OTUD7A: variants seen among roughly 807,000 people sequenced by gnomAD.
OTUD7A encodes OTU deubiquitinase 7A.
In OTUD7A, 12 loss-of-function variants were observed where a neutral mutation model predicts 65.7. That is an observed-to-expected ratio of 0.18 (90% CI 0.12 to 0.30). OTUD7A has a LOEUF of 0.30. OTUD7A is among the 10% of genes least tolerant of loss of function. The pLI is 1.00. For synonymous variants in OTUD7A, 641 were observed against 586.3 expected (o/e 1.09, Z -1.35); for missense variants, 1,148 against 1,304.8 (o/e 0.88, Z 1.85).
chr15:31,803,833 G>A (rs772346721), intron 1 of OTUD7A, among the ~76,000 whole-genome samples: 1 of 152,172 alleles, frequency 6.6e-6, no homozygotes, highest in South Asian at 2.1e-4. Flanking sequence ...AGCCAGTGGA[G>A]GCCCCACCCA....
intron 5 of OTUD7A, among the ~76,000 whole-genome samples, chr15:31,539,303 G>A (rs954290252): frequency 1.4e-4 from 21 of 151,982 alleles, no homozygotes; most frequent in Non-Finnish European, 2.8e-4. Context: ...CCTACAGACT[G>A]TGCAGATCAG....
intron 1 of OTUD7A, among the ~76,000 whole-genome samples, chr15:31,769,802 A>C (rs1371864190): frequency 1.3e-5 from 2 of 152,190 alleles, no homozygotes; most frequent in African/African-American, 4.8e-5. Context: ...GCCAGGGGTT[A>C]GTTAGGAGTA....
At chr15:31,526,246 A>G in intron 8 of OTUD7A, 103 bp downstream of exon 8, 1 of 1,173,878 alleles carries the variant, frequency 8.5e-7, no homozygotes, top group Non-Finnish European at 1.2e-6. Context: ...TCCACAGCAC[A>G]AGAGTCCCAC....
intron 1 of OTUD7A, among the ~76,000 whole-genome samples, chr15:31,792,901 C>G (rs1029467157): frequency 4.6e-5 from 7 of 152,134 alleles, no homozygotes; most frequent in Non-Finnish European, 7.4e-5. Flanking sequence ...GCAGGCTGCC[C>G]CCCTGCCTGG....
At chr15:31,510,944 T>C (rs1365254651) in intron 8 of OTUD7A, among the ~76,000 whole-genome samples, 1 of 28,482 alleles carries the variant, frequency 3.5e-5, no homozygotes, top group Admixed American at 3.3e-4. Flanking sequence ...TATATCTATA[T>C]GTAACATATA....
intron 1 of OTUD7A, among the ~76,000 whole-genome samples, chr15:31,829,000 C>T (rs1402915052): frequency 1.3e-5 from 2 of 152,184 alleles, no homozygotes; most frequent in Non-Finnish European, 2.9e-5. Flanking sequence ...TTTCCTTTTG[C>T]ATTTGATGCC....
At chr15:31,826,408 T>C (rs1051682943) in intron 1 of OTUD7A, among the ~76,000 whole-genome samples, 2 of 152,200 alleles carry the variant, frequency 1.3e-5, no homozygotes, top group African/African-American at 4.8e-5. Context: ...CTTTCAACCA[T>C]GGCTGGAGCA....
At chr15:31,594,744 C>T (rs941781523) in intron 3 of OTUD7A, among the ~76,000 whole-genome samples, 4 of 152,218 alleles carry the variant, frequency 2.6e-5, no homozygotes, top group African/African-American at 9.6e-5. Context: ...GCAGTGCCTG[C>T]CCCGCTCTTC....
At chr15:31,580,175 G>T (rs757381029) in intron 3 of OTUD7A, among the ~76,000 whole-genome samples, 5 of 152,180 alleles carry the variant, frequency 3.3e-5, no homozygotes, top group Non-Finnish European at 7.3e-5. Context: ...AAAGTAGAAT[G>T]GGCAAGTACA....
chr15:31,664,131 A>T (rs1203528397), intron 1 of OTUD7A, among the ~76,000 whole-genome samples: 1 of 152,228 alleles, frequency 6.6e-6, no homozygotes, highest in East Asian at 1.9e-4. Context: ...TGCTACAAAC[A>T]TGCGTGTGCA....
At chr15:31,580,101 A>G (rs1428056170) in intron 3 of OTUD7A, among the ~76,000 whole-genome samples, 13 of 152,232 alleles carry the variant, frequency 8.5e-5, no homozygotes, top group Non-Finnish European at 1.3e-4. Flanking sequence ...CTTGGCAAAG[A>G]ATCCAGCAGG....
At chr15:31,496,252 C>T (rs1471601310) in intron 10 of OTUD7A, among the ~76,000 whole-genome samples, 4 of 148,748 alleles carry the variant, frequency 2.7e-5, no homozygotes, top group Admixed American at 6.7e-5. Context: ...GATGGAGTCT[C>T]GCTCTGTCGC....
At chr15:31,794,660 G>A (rs937502550) in intron 1 of OTUD7A, among the ~76,000 whole-genome samples, 4 of 151,426 alleles carry the variant, frequency 2.6e-5, no homozygotes, top group Non-Finnish European at 4.4e-5. Context: ...CTAACTTTAT[G>A]GGACTTACAT....
Position 31,507,354 on chromosome 15 carries a change from GT to G in OTUD7A, c.894-3537del, listed in dbSNP as rs565913667. On this transcript the variant is annotated intron_variant, in intron 8 of 12. Transcript: ENST00000307050. ...TAGATGAAGGGTTTTAGATCTGTAT[GT>G]TTTTTTTGTGTGTGTGTGGAAGTTT... 4.6e-5 allele frequency among the ~76,000 whole-genome samples: 7 copies of G among 151,848 alleles called. No homozygotes were observed. In the South Asian group the frequency reaches 1.5e-3, roughly 32 times the overall value.
intron 1 of OTUD7A, among the ~76,000 whole-genome samples, chr15:31,841,586 T>A (rs1297442467): frequency 6.6e-6 from 1 of 152,104 alleles, no homozygotes; most frequent in African/African-American, 2.4e-5. Flanking sequence ...AAAAAGTTAA[T>A]GGAGTTGCAC....
intron 1 of OTUD7A, among the ~76,000 whole-genome samples, chr15:31,833,956 A>G (rs1896994946): frequency 6.6e-6 from 1 of 152,222 alleles, no homozygotes; most frequent in South Asian, 2.1e-4. Flanking sequence ...TGCAGAGCCC[A>G]CATTCTTCAG....
chr15:31,503,237 C>A (rs2041499829), intron 9 of OTUD7A, among the ~76,000 whole-genome samples: 1 of 152,234 alleles, frequency 6.6e-6, no homozygotes, highest in Non-Finnish European at 1.5e-5. Flanking sequence ...TCTTTCTCTG[C>A]CAGTTCTGAT....
At chr15:31,849,777 G>A (rs1014320333) in intron 1 of OTUD7A, among the ~76,000 whole-genome samples, 2 of 152,198 alleles carry the variant, frequency 1.3e-5, no homozygotes, top group African/African-American at 4.8e-5. Context: ...AGAAATTTAT[G>A]CAGCCAACAG....
intron 1 of OTUD7A, among the ~76,000 whole-genome samples, chr15:31,799,254 C>T (rs940937683): frequency 2.6e-5 from 4 of 152,126 alleles, no homozygotes; most frequent in South Asian, 2.1e-4. Context: ...TTAATCCAGA[C>T]GGTAGCCCCA....
Sources: gnomAD v4.1 joint callset for allele counts (sites outside exome capture counted in the v4.1 genomes callset) on GRCh38, gnomAD v4.1.1 for gene constraint, MANE v1.5 for transcripts, NCBI Gene and HGNC (gene_info 2026-07-23, HGNC 2026-07-21) for gene names.